PRKCB: variants seen among roughly 807,000 people sequenced by gnomAD.
PRKCB encodes protein kinase C beta type.
In PRKCB, 13 loss-of-function variants were observed where a neutral mutation model predicts 81.5. The observed-to-expected ratio is 0.16, with a 90% CI of 0.10 to 0.25. PRKCB has a LOEUF of 0.25. Among genes scored for constraint, PRKCB ranks in the 10% least tolerant of loss-of-function variants. The pLI is 1.00. For synonymous variants in PRKCB, 335 were observed against 321.4 expected (o/e 1.04, Z -0.45); for missense variants, 509 against 875.7 (o/e 0.58, Z 5.29).
intron 7 of PRKCB, among the ~76,000 whole-genome samples, chr16:24,104,954 T>C (rs1966555706): frequency 6.6e-6 from 1 of 152,208 alleles, no homozygotes; most frequent in Non-Finnish European, 1.5e-5. Context: ...CCTCTAGTTG[T>C]GGTGTGGTCG....
intron 5 of PRKCB, among the ~76,000 whole-genome samples, chr16:24,052,837 G>T (rs1406310498): frequency 6.6e-6 from 1 of 152,134 alleles, no homozygotes; most frequent in Non-Finnish European, 1.5e-5. Context: ...TTGTGCTGAC[G>T]TCCTGTCTCA....
At position 24,119,736 on chromosome 16, in the gene PRKCB, A is replaced by G. The variant is rs574074668; in HGVS notation, c.919-4099A>G. ...CCTGGCTCTTTTGTTTGCAGTTTCCATTGCAAATAAGATGACCTTGTAGTT... is the reference window on the plus strand; with the variant it reads ...CCTGGCTCTTTTGTTTGCAGTTTCCGTTGCAAATAAGATGACCTTGTAGTT... On this transcript the variant is annotated intron_variant, in intron 8 of 16. Transcript: ENST00000643927. Among the ~76,000 whole-genome samples, 21 of 152,174 alleles carry G rather than the reference A, an allele frequency of 1.4e-4. No individual in the cohort carries two copies. In the East Asian group the frequency reaches 3.9e-3, roughly 28 times the overall value.
intron 2 of PRKCB, among the ~76,000 whole-genome samples, chr16:23,879,605 AG>A (rs1201279486): frequency 1.4e-5 from 2 of 146,360 alleles, no homozygotes; most frequent in Non-Finnish European, 1.5e-5. Flanking sequence ...GTGATTCTCC[AG>A]CCTAGGCCTC....
chr16:24,095,671 G>A (rs1011279459), intron 7 of PRKCB, among the ~76,000 whole-genome samples: 7 of 152,034 alleles, frequency 4.6e-5, no homozygotes, highest in Non-Finnish European at 1.0e-4. Flanking sequence ...TTTTACAAAG[G>A]CAGTTTAGTT....
intron 2 of PRKCB, among the ~76,000 whole-genome samples, chr16:23,931,387 A>G (rs1217080635): frequency 6.6e-6 from 1 of 152,176 alleles, no homozygotes; most frequent in African/African-American, 2.4e-5. Context: ...AGTAGTTTAA[A>G]ATAGCCTGAG....
intron 16 of PRKCB, among the ~76,000 whole-genome samples, chr16:24,204,494 A>T (rs1314710934): frequency 6.6e-6 from 1 of 152,190 alleles, no homozygotes; most frequent in Non-Finnish European, 1.5e-5. Flanking sequence ...GCCTTGTGGG[A>T]ATCAAAGCTA....
At chr16:24,120,106 C>T (rs1465714734) in intron 8 of PRKCB, among the ~76,000 whole-genome samples, 4 of 152,184 alleles carry the variant, frequency 2.6e-5, no homozygotes, top group Non-Finnish European at 4.4e-5. Flanking sequence ...CAAGAGTACA[C>T]ACTCTACAAT....
Position 23,836,205 on chromosome 16 carries a change from G to T in PRKCB, c.30G>T (p.Pro10=), listed in dbSNP as rs1446911127. The stretch of plus-strand genomic sequence containing the variant: ...CTGACCCGGCTGCGGGGCCGCCGCC[G>T]AGCGAGGGCGAGGAGAGCACCGTGC... MADPAAGPP[P]SEGEESTVRF... is the part of the protein sequence containing the mutation. The change falls in exon 1 of 17, where the codon CCG becomes CCT. Residue 10 remains proline, a synonymous_variant. Transcript: ENST00000643927. The T allele has an allele frequency of 6.4e-7, 1 of 1,573,424 alleles. No homozygotes were observed.
At chr16:23,930,785 C>T (rs9937682) in intron 2 of PRKCB, among the ~76,000 whole-genome samples, 1,691 of 152,166 alleles carry the variant, frequency 0.011, 34 homozygotes, top group African/African-American at 0.037. Context: ...GTGCAATACA[C>T]GACACATAGA....
chr16:24,043,009 T>C (rs1965722356), intron 5 of PRKCB, among the ~76,000 whole-genome samples: 1 of 152,282 alleles, frequency 6.6e-6, no homozygotes, highest in African/African-American at 2.4e-5. Flanking sequence ...AGCGCTGGGA[T>C]TATAGATGTG....
At chr16:24,163,603 AAAAC>A (rs1412788991) in intron 10 of PRKCB, among the ~76,000 whole-genome samples, 3 of 152,382 alleles carry the variant, frequency 2.0e-5, no homozygotes, top group African/African-American at 4.8e-5. Context: ...TAGAAAGCTG[AAAAC>A]AAACAAACAA....
Position 24,220,044 on chromosome 16 carries a change from C to G in PRKCB, c.*5228C>G, listed in dbSNP as rs756874692. The G allele has an allele frequency of 6.2e-7, 1 of 1,614,196 alleles. No individual in the cohort carries two copies. The highest frequency in any genetic ancestry group is 1.1e-5 in the South Asian group (1 of 91,084). ...TGACCCCCACTGATAAACTCTTCAT[C>G]ATGAACTTGGACCAAAATGAATTTG... On this transcript the variant is annotated 3_prime_UTR_variant, in exon 17 of 17. Coordinates refer to ENST00000643927, the MANE Select transcript of PRKCB (RefSeq NM_002738.7).
chr16:23,922,361 A>G (rs909002444), intron 2 of PRKCB, among the ~76,000 whole-genome samples: 3 of 152,208 alleles, frequency 2.0e-5, no homozygotes, highest in Non-Finnish European at 4.4e-5. Context: ...CAGCTCTTCT[A>G]CTTTTTCAAG....
At chr16:23,901,851 T>C (rs1963479148) in intron 2 of PRKCB, among the ~76,000 whole-genome samples, 1 of 152,178 alleles carries the variant, frequency 6.6e-6, no homozygotes. Flanking sequence ...GGTTTGCAAA[T>C]ACACACTGGA....
chr16:24,018,851 C>G (rs17755585), intron 3 of PRKCB, among the ~76,000 whole-genome samples: 1 of 152,126 alleles, frequency 6.6e-6, no homozygotes, highest in Non-Finnish European at 1.5e-5. Flanking sequence ...ATGTGCCATG[C>G]GTGTGTAATT....
In PRKCB at chr16:23,899,603, ACTCTCTCTCTCTCTCT is replaced by A. The variant is rs370318979; in HGVS notation, c.205+62224_205+62239del. ...CATTTGTAATTACTTATCCATAAGA[ACTCTCTCTCTCTCTCT>A]CTCTCTCTCTCTCTCTCTCTCTCTC... is the stretch of plus-strand genomic sequence containing the variant. On this transcript the variant is annotated intron_variant, in intron 2 of 16. Coordinates refer to ENST00000643927, the MANE Select transcript of PRKCB (RefSeq NM_002738.7). Among the ~76,000 whole-genome samples the A allele has an allele frequency of 3.8e-3, 175 of 45,616 alleles. 40 individuals carry two copies. The highest frequency in any genetic ancestry group is 0.011 in the African/African-American group (160 of 14,644). The allele number at this position is 45,616 out of a possible 152,430, so 29.9% of individuals were successfully genotyped here. A position where few individuals can be genotyped will look rare whatever the true frequency, so the allele number is the denominator to read the frequency against.
chr16:24,081,612 C>T (rs763301988), intron 5 of PRKCB, among the ~76,000 whole-genome samples: 2 of 152,078 alleles, frequency 1.3e-5, no homozygotes, highest in Non-Finnish European at 2.9e-5. Context: ...GTGGCTCATG[C>T]CTGTAATCCC....
intron 2 of PRKCB, among the ~76,000 whole-genome samples, chr16:23,975,400 C>G (rs766539866): frequency 9.2e-5 from 14 of 151,998 alleles, no homozygotes; most frequent in African/African-American, 1.5e-4. Context: ...CTCTGCTTTA[C>G]CAGCAAGGGG....
At chr16:24,197,482 AG>A (rs1199956200) in intron 16 of PRKCB, among the ~76,000 whole-genome samples, 1 of 152,024 alleles carries the variant, frequency 6.6e-6, no homozygotes, top group African/African-American at 2.4e-5. Flanking sequence ...GCCTGAGCCA[AG>A]GGGTTGAGGG....
Sources: allele counts gnomAD v4.1 joint callset (sites outside exome capture counted in the v4.1 genomes callset), GRCh38; gene constraint gnomAD v4.1.1; transcripts MANE v1.5; gene names NCBI Gene and HGNC (gene_info 2026-07-23, HGNC 2026-07-21).